ADAM19: variants seen among roughly 807,000 people sequenced by gnomAD.
The protein encoded by ADAM19 is disintegrin and metalloproteinase domain-containing protein 19.
A neutral mutation model predicts 114.7 loss-of-function variants in ADAM19; 65 were observed. That is an observed-to-expected ratio of 0.57 (90% confidence interval 0.46 to 0.70). The LOEUF (loss-of-function observed/expected upper bound fraction) is 0.70, where lower values mean the gene tolerates loss of function less well. Among genes scored for constraint, ADAM19 ranks in the 30% least tolerant of loss-of-function variants. ADAM19 has a pLI of 0.00. For missense variants in ADAM19, 1,063 were observed against 1,204.7 expected, an observed-to-expected ratio of 0.88 and a Z score of 1.74; for synonymous variants, 466 against 460.5, an observed-to-expected ratio of 1.01 and a Z score of -0.15.
At chr5:157,552,480 C>A (rs923795084) in intron 3 of ADAM19, among the ~76,000 whole-genome samples, 5 of 151,802 alleles carry the variant, frequency 3.3e-5, no homozygotes, top group African/African-American at 1.2e-4. Context: ...GAGTTTGAGA[C>A]CAGCCAGGGC....
At chr5:157,553,979 T>C (rs946758375) in intron 3 of ADAM19, among the ~76,000 whole-genome samples, 3 of 152,228 alleles carry the variant, frequency 2.0e-5, no homozygotes, top group African/African-American at 7.2e-5. Context: ...AAAAGTTCCA[T>C]GTAAAATCTT....
In ADAM19 at chr5:157,575,538, C is replaced by T. The variant is rs564140986; in HGVS notation, c.94+65G>A. On this transcript the variant is annotated intron_variant, in intron 1 of 22. Transcript: ENST00000257527. ...GGGGTCGCGGTCCCAGCGCTCCGGA[C>T]CCGCAAGGCTACTCCCAGGTCTCCG... 142 of 1,246,100 alleles carry T rather than the reference C, an allele frequency of 1.1e-4. No individual in the cohort carries two copies. In the African/African-American group the frequency reaches 1.8e-3, roughly 16 times the overall value. 77.2% of individuals were successfully genotyped at this position (1,246,100 alleles called of 1,614,324 possible). A position where few individuals can be genotyped will look rare whatever the true frequency, so the allele number is the denominator to read the frequency against.
chr5:157,480,395 CA>C lies in ADAM19; in HGVS notation c.*553del. 1 of 988,258 alleles carries C rather than the reference CA, an allele frequency of 1.0e-6. No homozygotes were observed. Among genetic ancestry groups the C allele is most frequent in the Non-Finnish European group, 1.2e-6 (1 of 831,910 alleles). 61.2% of individuals were successfully genotyped at this position (988,258 alleles called of 1,614,324 possible). A position where few individuals can be genotyped will look rare whatever the true frequency, so the allele number is the denominator to read the frequency against. On this transcript the variant is annotated 3_prime_UTR_variant, in exon 23 of 23. Transcript: ENST00000257527. The stretch of plus-strand genomic sequence containing the variant: ...ACGTGGCTTGTCACATGCAGCCATA[CA>C]GCCAGAAGCCGTTCCCTCAACCAAG...
chr5:157,483,382 A>G (rs1359850603), intron 21 of ADAM19, among the ~76,000 whole-genome samples: 2 of 152,174 alleles, frequency 1.3e-5, no homozygotes, highest in African/African-American at 4.8e-5. Flanking sequence ...GCAGAAAAAT[A>G]ACTAAAATTA....
intron 3 of ADAM19, among the ~76,000 whole-genome samples, chr5:157,557,292 G>A (rs761013437): frequency 3.0e-4 from 45 of 152,340 alleles, no homozygotes; most frequent in Non-Finnish European, 6.2e-4. Context: ...GGAAGTGTCA[G>A]TATCTGGAAT....
chr5:157,551,391 A>G (rs1220676539), intron 3 of ADAM19, among the ~76,000 whole-genome samples: 1 of 137,806 alleles, frequency 7.3e-6, no homozygotes, highest in Admixed American at 7.9e-5. Context: ...GCAACAGAGC[A>G]TGATTCTGTC....
At chr5:157,493,622 C>A (rs1429125796) in intron 15 of ADAM19, among the ~76,000 whole-genome samples, 2 of 152,136 alleles carry the variant, frequency 1.3e-5, no homozygotes, top group Non-Finnish European at 2.9e-5. Context: ...TACCTTAATT[C>A]ACACTGCCCC....
At chr5:157,518,524 A>G (rs1195874016) in intron 7 of ADAM19, among the ~76,000 whole-genome samples, 1 of 152,224 alleles carries the variant, frequency 6.6e-6, no homozygotes, top group African/African-American at 2.4e-5. Context: ...AGCTGGGATT[A>G]CAGGCATGTG....
intron 3 of ADAM19, among the ~76,000 whole-genome samples, chr5:157,552,439 C>T (rs1345003311): frequency 1.3e-5 from 2 of 151,832 alleles, no homozygotes; most frequent in Non-Finnish European, 2.9e-5. Flanking sequence ...ATTGCCTGAG[C>T]TTAGGAGTTC....
At chr5:157,498,328 G>A (rs1755432074) in intron 13 of ADAM19, among the ~76,000 whole-genome samples, 1 of 152,212 alleles carries the variant, frequency 6.6e-6, no homozygotes, top group Non-Finnish European at 1.5e-5. Flanking sequence ...CCATCCAGAG[G>A]CAGGTGGAGG....
chr5:157,499,755 G>T, intron 12 of ADAM19, 93 bp from the exon 13 acceptor site: 1 of 707,740 alleles, frequency 1.4e-6, no homozygotes, highest in Non-Finnish European at 2.4e-6. Flanking sequence ...TGGAACCCCA[G>T]CTCTCTAGCA....
chr5:157,533,335 A>G (rs1756674748), intron 4 of ADAM19, among the ~76,000 whole-genome samples: 1 of 152,204 alleles, frequency 6.6e-6, no homozygotes, highest in African/African-American at 2.4e-5. Context: ...GAGGAGCACA[A>G]AGGAAAGCCA....
chr5:157,559,257 ACC>A (rs1161211444), intron 3 of ADAM19, among the ~76,000 whole-genome samples: 28 of 152,238 alleles, frequency 1.8e-4, no homozygotes, highest in Admixed American at 5.9e-4. Context: ...ATGGGGTTAG[ACC>A]AAAGGACGTC....
chr5:157,567,583 A>G (rs1401078052), intron 2 of ADAM19, among the ~76,000 whole-genome samples: 1 of 152,180 alleles, frequency 6.6e-6, no homozygotes, highest in African/African-American at 2.4e-5. Flanking sequence ...GGATCCCTGG[A>G]GATCAGGAGT....
At chr5:157,521,183 A>T (rs779925071) in intron 5 of ADAM19, among the ~76,000 whole-genome samples, 7 of 152,218 alleles carry the variant, frequency 4.6e-5, no homozygotes, top group Non-Finnish European at 8.8e-5. Flanking sequence ...ATGACTTATT[A>T]TCAATTGCTA....
chr5:157,546,382 G>A (rs914633303), intron 3 of ADAM19, among the ~76,000 whole-genome samples: 5 of 152,146 alleles, frequency 3.3e-5, no homozygotes, highest in African/African-American at 9.7e-5. Context: ...AGGAATTAAG[G>A]ATACTCACTC....
intron 15 of ADAM19, among the ~76,000 whole-genome samples, chr5:157,493,903 C>T (rs1990951): frequency 0.47 from 70,710 of 152,012 alleles, 16,799 homozygotes; most frequent in East Asian, 0.73. Flanking sequence ...TCCTGGATTA[C>T]TCTCCTATGC....
At chr5:157,575,567 C>T in intron 1 of ADAM19, 36 bp downstream of exon 1, 1 of 1,422,894 alleles carries the variant, frequency 7.0e-7, no homozygotes, top group Admixed American at 2.8e-5. Context: ...GTCTCCGGGC[C>T]ACCCAGCCTC....
intron 3 of ADAM19, among the ~76,000 whole-genome samples, chr5:157,552,707 T>C (rs1339239675): frequency 7.9e-6 from 1 of 126,536 alleles, no homozygotes; most frequent in African/African-American, 2.9e-5. Flanking sequence ...AAAAAGGAAA[T>C]CAGTATACTG....
Sources: gnomAD v4.1 joint callset for allele counts (sites outside exome capture counted in the v4.1 genomes callset) on GRCh38, gnomAD v4.1.1 for gene constraint, MANE v1.5 for transcripts, NCBI Gene and HGNC (gene_info 2026-07-23, HGNC 2026-07-21) for gene names.